Variants in AGBL5 observed in about 807,000 individuals in gnomAD.
AGBL5 encodes AGBL carboxypeptidase 5, also known as cytosolic carboxypeptidase-like protein 5.
A neutral mutation model predicts 88.0 loss-of-function variants in AGBL5; 51 were observed. That is an observed-to-expected ratio of 0.58 (90% confidence interval 0.46 to 0.73). The LOEUF (loss-of-function observed/expected upper bound fraction) is 0.73, where lower values mean the gene tolerates loss of function less well. Ranked by LOEUF, AGBL5 falls within the 30% of genes least tolerant of loss-of-function variation. AGBL5 has a pLI of 0.00. For synonymous variants in AGBL5, 446 were observed against 438.8 expected (o/e 1.02, Z -0.21); for missense variants, 1,031 against 1,162.2 (o/e 0.89, Z 1.64).
chr2:27,060,300 C>A (rs1668651035), intron 11 of AGBL5, among the ~76,000 whole-genome samples: 1 of 152,194 alleles, frequency 6.6e-6, no homozygotes, highest in South Asian at 2.1e-4. Context: ...TTAGTAACCC[C>A]CAGGTTTTGC....
chr2:27,056,045 G>A lies in AGBL5; in HGVS notation c.1272G>A (p.Glu424=). The A allele has an allele frequency of 6.2e-7, 1 of 1,614,210 alleles. No homozygotes were observed. Among genetic ancestry groups the A allele is most frequent in the Non-Finnish European group, 8.5e-7 (1 of 1,180,044 alleles). ...CCCCTGATACCATCCCCCCCAAAGA[G>A]AGTGGCGTTGCTTACTATGTGGACC... is the stretch of plus-strand genomic sequence containing the variant. ...ESAPDTIPPK[E]SGVAYYVDLH... The change falls in exon 7 of 15, where the codon GAG becomes GAA. Residue 424 remains glutamate (E), a synonymous_variant. Coordinates refer to ENST00000360131, the MANE Select transcript of AGBL5 (RefSeq NM_021831.6).
intron 11 of AGBL5, 101 bp downstream of exon 11, chr2:27,059,505 G>A (rs1419361252): frequency 1.9e-6 from 3 of 1,559,380 alleles, no homozygotes; most frequent in South Asian, 1.2e-5. Flanking sequence ...AGGACCAAGG[G>A]GTGAATCAAT....
In AGBL5 at chr2:27,055,171, C is replaced by CG; in HGVS notation, c.829dup (p.Ala277GlyfsTer11). ...CTTCATCCTCCGACCTGATGATCCC[C>CG]GGGCCCAAACCCTCCGTCGCCTCTT... is the stretch of plus-strand genomic sequence containing the variant. On this transcript the variant is annotated frameshift_variant, in exon 6 of 15. Coordinates refer to ENST00000360131, the MANE Select transcript of AGBL5 (RefSeq NM_021831.6). LOFTEE classifies it high-confidence loss of function. 6.2e-7 allele frequency: 1 copy of CG among 1,614,200 alleles called. No individual in the cohort carries two copies. Among genetic ancestry groups the CG allele is most frequent in the Non-Finnish European group, 8.5e-7 (1 of 1,180,032 alleles).
intron 5 of AGBL5, 126 bp downstream of exon 5, chr2:27,054,933 G>T: frequency 6.7e-7 from 1 of 1,490,448 alleles, no homozygotes; most frequent in South Asian, 1.3e-5. Flanking sequence ...TGCGGCAAGG[G>T]TGATGGCCCC....
At chr2:27,062,948 A>G (rs1240866137) in intron 11 of AGBL5, 3 of 152,248 alleles carry the variant, frequency 2.0e-5, no homozygotes, top group South Asian at 2.1e-4. Context: ...AACTGAGACA[A>G]TGGCAACAAC....
intron 4 of AGBL5, 93 bp downstream of exon 4, chr2:27,054,152 C>A: frequency 7.1e-7 from 1 of 1,416,444 alleles, no homozygotes; most frequent in South Asian, 1.4e-5. Context: ...CTGAACCATA[C>A]TTTCATCCGT....
chr2:27,053,846 A>C lies in AGBL5; in HGVS notation c.388-50A>C. On this transcript the variant is annotated intron_variant, in intron 3 of 14. Transcript: ENST00000360131. This position sits in a 1 kb window ranked among gnomAD's most constrained non-coding sequence, Gnocchi z 4.9. The stretch of plus-strand genomic sequence containing the variant: ...TTCCTGGTGGTCCCAGTAGGAGCTC[A>C]GTTCTGACAATGGCATGTTGCCCCT... 1 of 1,571,842 alleles carries C rather than the reference A, an allele frequency of 6.4e-7. No homozygotes were observed. The highest frequency in any genetic ancestry group is 8.7e-7 in the Non-Finnish European group (1 of 1,155,028).
In AGBL5 at chr2:27,054,921, C is replaced by T. The variant is rs535745418; in HGVS notation, c.729+114C>T. 66 of 1,496,410 alleles carry T rather than the reference C, an allele frequency of 4.4e-5. 1 individual carries two copies. In the Admixed American group the frequency reaches 4.6e-4, roughly 10 times the overall value. 92.7% of individuals were successfully genotyped at this position (1,496,410 alleles called of 1,614,324 possible). ...TCTTGGACATGGCCTCCGCCCGCAG[C>T]GTGCGGCAAGGGTGATGGCCCCTGC... On this transcript the variant is annotated intron_variant, in intron 5 of 14. Coordinates refer to ENST00000360131, the MANE Select transcript of AGBL5 (RefSeq NM_021831.6).
intron 7 of AGBL5, 171 bp from the exon 8 acceptor site, chr2:27,056,452 C>A: frequency 1.5e-6 from 1 of 685,434 alleles, no homozygotes; most frequent in South Asian, 2.5e-5. Flanking sequence ...GAATTGCTTC[C>A]CAACACCTAG....
In AGBL5 at chr2:27,059,409, G is replaced by A; in HGVS notation, c.2089+5G>A. The A allele has an allele frequency of 2.5e-6, 4 of 1,614,146 alleles. No homozygotes were observed. Among genetic ancestry groups the A allele is most frequent in the Non-Finnish European group, 2.5e-6 (3 of 1,179,978 alleles). ...GGGTGCTGGGCCCCGTCAGAGGTAA[G>A]CCAGTCTGGGAGCCCCTGCAACATG... is the stretch of plus-strand genomic sequence containing the variant. On this transcript the variant is annotated splice_donor_5th_base_variant and intron_variant, in intron 11 of 14. Transcript: ENST00000360131.
At chr2:27,069,946 C>T (rs1669195516) in intron 14 of AGBL5, 146 bp from the exon 15 acceptor site, 4 of 1,489,322 alleles carry the variant, frequency 2.7e-6, no homozygotes, top group African/African-American at 2.8e-5. Context: ...CTGGTTCCAG[C>T]GTCAAACCAC....
intron 6 of AGBL5, 189 bp from the exon 7 acceptor site, chr2:27,055,493 C>A: frequency 1.2e-6 from 1 of 801,162 alleles, no homozygotes; most frequent in East Asian, 2.7e-5. Context: ...TGAGGAAGCT[C>A]CTTAGGGTTC....
intron 4 of AGBL5, among the ~76,000 whole-genome samples, 153 bp from the exon 5 acceptor site, chr2:27,054,477 A>T (rs1421578779): frequency 2.0e-5 from 3 of 152,162 alleles, no homozygotes; most frequent in Admixed American, 2.0e-4. Context: ...AAACCCACTC[A>T]AATCCTTAGC....
intron 4 of AGBL5, 26 bp downstream of exon 4, chr2:27,054,085 C>T (rs746726078): frequency 1.3e-6 from 2 of 1,599,924 alleles, no homozygotes; most frequent in Non-Finnish European, 1.7e-6. Flanking sequence ...TTACTCCTGC[C>T]ACACAGTCCT....
upstream of AGBL5, chr2:27,051,615 G>C (rs572291017): frequency 1.3e-5 from 2 of 152,384 alleles, no homozygotes; most frequent in East Asian, 3.9e-4. Context: ...TTTACTGGGC[G>C]GGTCGCCAGC....
rs1436878776 is a variant in AGBL5, at chr2:27,056,077, G to A, written c.1304G>A (p.Gly435Glu). Residue 435 changes from glycine to glutamate, a missense_variant, in exon 7 of 15, where the codon GGA (glycine) becomes GAA (glutamate). By Grantham distance (98) the Gly-to-Glu change is moderately conservative. Around this residue, in one of 2 missense-constraint regions of AGBL5, gnomAD observed 540 missense variants for 678.2 expected, o/e 0.80. Coordinates refer to ENST00000360131, the MANE Select transcript of AGBL5 (RefSeq NM_021831.6). ...SGVAYYVDLH[G>E]HASKRGCFMY... ...GTTGCTTACTATGTGGACCTGCATG[G>A]ACATGCTTCCAAAAGGGGCTGCTTC... 6.2e-7 allele frequency: 1 copy of A among 1,614,056 alleles called. No individual in the cohort carries two copies. The highest frequency in any genetic ancestry group is 1.7e-5 in the Admixed American group (1 of 59,992).
chr2:27,068,294 G>C (rs1669096533), intron 12 of AGBL5, among the ~76,000 whole-genome samples: 5 of 152,146 alleles, frequency 3.3e-5, no homozygotes, highest in Admixed American at 3.3e-4. Flanking sequence ...AGTTAAGCTT[G>C]GGTGCGTTCC....
Position 27,053,451 on chromosome 2 carries a change from A to C in AGBL5, c.265A>C (p.Lys89Gln), listed in dbSNP as rs1375886740. The C allele has an allele frequency of 6.2e-7, 1 of 1,614,134 alleles. No individual in the cohort carries two copies. The highest frequency in any genetic ancestry group is 8.5e-7 in the Non-Finnish European group (1 of 1,180,030). Residue 89 changes from lysine (K) to glutamine (Q), a missense_variant, in exon 3 of 15, where the codon AAG (lysine) becomes CAG (glutamine). This residue lies in a region of AGBL5 where 540 missense variants were observed against 678.2 expected (regional missense o/e 0.80). Coordinates refer to ENST00000360131, the MANE Select transcript of AGBL5 (RefSeq NM_021831.6). This position sits in a 1 kb window ranked among gnomAD's most constrained non-coding sequence, Gnocchi z 4.9. ...GGGAGGAATGCCAGGAAAACTCATCAAGATCAACATTATGAACATGAACAA... is the reference window on the plus strand; with the variant it reads ...GGGAGGAATGCCAGGAAAACTCATCCAGATCAACATTATGAACATGAACAA... Reference protein sequence around the residue: ...VRGGMPGKLIKINIMNMNKQS... With the variant: ...VRGGMPGKLIQINIMNMNKQS...
At chr2:27,069,068 C>T (rs1669139921) in intron 13 of AGBL5, 6 of 1,359,932 alleles carry the variant, frequency 4.4e-6, no homozygotes, top group African/African-American at 2.9e-5. Flanking sequence ...GGAGAGTTTC[C>T]GCCAGGAGGG....
Sources: gnomAD v4.1 joint callset for allele counts (sites outside exome capture counted in the v4.1 genomes callset) on GRCh38, gnomAD v4.1.1 for gene constraint, gnomAD v4.1.1 regional missense constraint, Gnocchi (gnomAD v3.1) non-coding constraint, MANE v1.5 for transcripts, NCBI Gene and HGNC (gene_info 2026-07-23, HGNC 2026-07-21) for gene names.